Variants in ARSB observed in about 807,000 individuals in gnomAD.
ARSB encodes the protein arylsulfatase B, also known as N-acetylgalactosamine-4-sulfatase.
ARSB carries 41 observed loss-of-function variants against 50.9 expected under a neutral mutation model. The ratio of observed to expected loss-of-function variants is 0.81; its 90% CI spans 0.63 to 1.04. The LOEUF is 1.04. Ranked by LOEUF, ARSB falls within the 50% of genes least tolerant of loss-of-function variation. The pLI is 0.00. For synonymous variants in ARSB, 269 were observed against 284.8 expected (o/e 0.94, Z 0.56); for missense variants, 672 against 693.3 (o/e 0.97, Z 0.35).
chr5:78,913,553 T>C (rs1241724936), intron 4 of ARSB, among the ~76,000 whole-genome samples: 1 of 152,260 alleles, frequency 6.6e-6, no homozygotes, highest in Non-Finnish European at 1.5e-5. Context: ...CTCAGGTTTC[T>C]CATGCTATAA....
At chr5:78,946,645 G>A (rs751611646) in intron 4 of ARSB, among the ~76,000 whole-genome samples, 1 of 152,028 alleles carries the variant, frequency 6.6e-6, no homozygotes, top group Non-Finnish European at 1.5e-5. Flanking sequence ...CAAAGTAATG[G>A]AAAGATATTT....
intron 4 of ARSB, among the ~76,000 whole-genome samples, chr5:78,901,492 A>C (rs536201935): frequency 2.0e-5 from 3 of 152,286 alleles, no homozygotes; most frequent in African/African-American, 7.2e-5. Flanking sequence ...TAAAACAACC[A>C]CATTTAAATG....
chr5:78,791,165 C>A lies in ARSB; in HGVS notation c.1214-9191G>T, dbSNP rs908343731. 2.0e-5 allele frequency among the ~76,000 whole-genome samples: 3 copies of A among 152,188 alleles called. No individual in the cohort carries two copies. In the East Asian group the frequency reaches 5.8e-4, roughly 29 times the overall value. ...ATTTACTTACAGTAAAACTTACTCACTTGGGCTAAGTGAGAAAAACACCCC... is the reference window on the plus strand; with the variant it reads ...ATTTACTTACAGTAAAACTTACTCAATTGGGCTAAGTGAGAAAAACACCCC... On this transcript the variant is annotated intron_variant, in intron 6 of 7. Transcript: ENST00000264914.
At chr5:78,980,815 G>GT (rs1246318268) in intron 1 of ARSB, among the ~76,000 whole-genome samples, 1 of 151,662 alleles carries the variant, frequency 6.6e-6, no homozygotes, top group Non-Finnish European at 1.5e-5. Flanking sequence ...CCATGTGAAT[G>GT]TATTTTCTAT....
chr5:78,852,990 C>G (rs952173865), intron 5 of ARSB, among the ~76,000 whole-genome samples: 24 of 152,246 alleles, frequency 1.6e-4, no homozygotes, highest in African/African-American at 5.5e-4. Context: ...AACTTCTTTG[C>G]CTTTGGTTTG....
At chr5:78,964,073 C>T (rs7710725) in intron 3 of ARSB, among the ~76,000 whole-genome samples, 26,785 of 152,144 alleles carry the variant, frequency 0.18, 2,414 homozygotes, top group Middle Eastern at 0.23. Context: ...ACGTAATATA[C>T]CAAAATTTTT....
chr5:78,808,629 TA>T (rs1051100531), intron 6 of ARSB, among the ~76,000 whole-genome samples: 3 of 152,144 alleles, frequency 2.0e-5, no homozygotes, highest in African/African-American at 7.2e-5. Flanking sequence ...ATGTTGCACT[TA>T]CACCTCCCCG....
chr5:78,857,265 G>C (rs1039571163), intron 5 of ARSB, among the ~76,000 whole-genome samples: 1 of 152,148 alleles, frequency 6.6e-6, no homozygotes. Context: ...TCTCCAATAT[G>C]AGAGTCTCTT....
chr5:78,851,759 A>G (rs932353667), intron 5 of ARSB, among the ~76,000 whole-genome samples: 2 of 152,120 alleles, frequency 1.3e-5, no homozygotes, highest in Non-Finnish European at 2.9e-5. Context: ...TTGGTTGCAT[A>G]TATATTTAGG....
At chr5:78,972,499 A>G (rs1752490679) in intron 1 of ARSB, among the ~76,000 whole-genome samples, 1 of 142,196 alleles carries the variant, frequency 7.0e-6, no homozygotes, top group South Asian at 2.3e-4. Flanking sequence ...TCCTCTTAGC[A>G]CATTTGCACG....
intron 3 of ARSB, among the ~76,000 whole-genome samples, chr5:78,960,462 A>G (rs1406485497): frequency 1.3e-5 from 2 of 152,260 alleles, no homozygotes; most frequent in Non-Finnish European, 2.9e-5. Flanking sequence ...GAAAAGTAAG[A>G]GTCTTCCACT....
At chr5:78,900,397 G>A (rs539846378) in intron 4 of ARSB, among the ~76,000 whole-genome samples, 41 of 152,230 alleles carry the variant, frequency 2.7e-4, no homozygotes, top group African/African-American at 9.1e-4. Context: ...CTCCTGCTAC[G>A]GAACCCAAGA....
intron 6 of ARSB, among the ~76,000 whole-genome samples, chr5:78,818,448 C>T (rs1744084031): frequency 6.6e-6 from 1 of 152,124 alleles, no homozygotes; most frequent in Non-Finnish European, 1.5e-5. Flanking sequence ...GAGATAAAAA[C>T]TCCCATTTGT....
intron 5 of ARSB, among the ~76,000 whole-genome samples, chr5:78,867,406 T>G (rs1432127999): frequency 6.6e-6 from 1 of 152,136 alleles, no homozygotes; most frequent in African/African-American, 2.4e-5. Flanking sequence ...CTCTGCAGAC[T>G]TAAATGTCCC....
At chr5:78,883,527 G>A (rs539374963) in intron 5 of ARSB, 39 of 152,292 alleles carry the variant, frequency 2.6e-4, no homozygotes, top group African/African-American at 9.1e-4. Context: ...GTGAAGAAAT[G>A]GCTACCCAAT....
chr5:78,854,520 C>T (rs1663300783), intron 5 of ARSB, among the ~76,000 whole-genome samples: 2 of 152,140 alleles, frequency 1.3e-5, no homozygotes, highest in African/African-American at 4.8e-5. Flanking sequence ...ACTTCCATTT[C>T]CATGTGTTTG....
chr5:78,975,957 T>C (rs1752642802), intron 1 of ARSB, among the ~76,000 whole-genome samples: 1 of 152,210 alleles, frequency 6.6e-6, no homozygotes, highest in Admixed American at 6.5e-5. Context: ...TTTGTAAGAA[T>C]ATGGAAAATT....
intron 4 of ARSB, among the ~76,000 whole-genome samples, chr5:78,903,077 T>C (rs371004653): frequency 2.6e-5 from 4 of 152,234 alleles, no homozygotes; most frequent in Admixed American, 6.5e-5. Context: ...TTTTGTTTAA[T>C]ATATTTATGT....
intron 4 of ARSB, among the ~76,000 whole-genome samples, chr5:78,937,576 A>G (rs1187036317): frequency 4.0e-5 from 6 of 151,288 alleles, no homozygotes; most frequent in Non-Finnish European, 8.8e-5. Flanking sequence ...CATAATATCA[A>G]CAATAAGACA....
Sources: allele counts gnomAD v4.1 joint callset (sites outside exome capture counted in the v4.1 genomes callset), GRCh38; gene constraint gnomAD v4.1.1; transcripts MANE v1.5; gene names NCBI Gene and HGNC (gene_info 2026-07-23, HGNC 2026-07-21).